NEIL2: variants seen among roughly 807,000 people sequenced by gnomAD.
The protein encoded by NEIL2 is endonuclease 8-like 2.
In NEIL2, 23 loss-of-function variants were observed where a neutral mutation model predicts 22.2. That is an observed-to-expected ratio of 1.04 (90% CI 0.75 to 1.47). The LOEUF (loss-of-function observed/expected upper bound fraction) is 1.47, where lower values mean the gene tolerates loss of function less well. NEIL2 is among the 40% of genes most tolerant of loss of function. The probability of loss-of-function intolerance (pLI) is 0.00; values close to 1 mark genes in which losing one functional copy is unlikely to be tolerated. For synonymous variants in NEIL2, 229 were observed against 164.8 expected (o/e 1.39, Z -2.99); for missense variants, 583 against 404.7 (o/e 1.44, Z -3.78).
At chr8:11,775,653 C>G (rs182751523) in intron 2 of NEIL2, among the ~76,000 whole-genome samples, 1 of 152,228 alleles carries the variant, frequency 6.6e-6, no homozygotes, top group African/African-American at 2.4e-5. Context: ...AACTTCTGTG[C>G]TCTGCTTCCT....
At position 11,786,307 on chromosome 8, in the gene NEIL2, C is replaced by T. The variant is rs8191667; in HGVS notation, c.*34C>T. On this transcript the variant is annotated 3_prime_UTR_variant, in exon 5 of 5. Coordinates refer to ENST00000284503, the MANE Select transcript of NEIL2 (RefSeq NM_145043.4). ...TGGTGCTCCTCACGGAACCTTGCCG[C>T]TTGGGGAACCTGACGTCTAAGTGTC... 4 of 932,220 alleles carry T rather than the reference C, an allele frequency of 4.3e-6. No individual in the cohort carries two copies. The highest frequency in any genetic ancestry group is 4.4e-6 in the Non-Finnish European group (3 of 688,622). 57.7% of individuals were successfully genotyped at this position (932,220 alleles called of 1,614,324 possible).
At chr8:11,777,240 G>T (rs562985407) in intron 2 of NEIL2, among the ~76,000 whole-genome samples, 1 of 151,260 alleles carries the variant, frequency 6.6e-6, no homozygotes, top group African/African-American at 2.4e-5. Flanking sequence ...CAATCCTCTC[G>T]TCTCAGCCTC....
At chr8:11,775,799 C>G (rs765184499) in intron 2 of NEIL2, among the ~76,000 whole-genome samples, 12 of 152,346 alleles carry the variant, frequency 7.9e-5, no homozygotes, top group African/African-American at 2.2e-4. Flanking sequence ...CACCTTTACT[C>G]TAGTTCCCAG....
rs1804254165 is a variant in NEIL2 at position 11,779,865 on chromosome 8, GGTTT to G, written c.412_415del (p.Phe138AlafsTer5). 1.9e-6 allele frequency: 3 copies of G among 1,614,028 alleles called. No individual in the cohort carries two copies. The highest frequency in any genetic ancestry group is 2.5e-6 in the Non-Finnish European group (3 of 1,180,036). ...TGGGAGGTGGCTGCGTGTCAGCTTTGGTTTGTTTGGCAGCGTTTGGGTGAACGAT... is the reference window on the plus strand; with the variant it reads ...TGGGAGGTGGCTGCGTGTCAGCTTTGGTTTGGCAGCGTTTGGGTGAACGAT... On this transcript the variant is annotated frameshift_variant, in exon 3 of 5. Transcript: ENST00000284503. LOFTEE classifies it high-confidence loss of function.
chr8:11,784,595 C>T (rs952891512), intron 4 of NEIL2, among the ~76,000 whole-genome samples: 2 of 152,192 alleles, frequency 1.3e-5, no homozygotes, highest in African/African-American at 4.8e-5. Context: ...CACACAGACA[C>T]TCACTTGAGC....
intron 3 of NEIL2, among the ~76,000 whole-genome samples, chr8:11,782,413 G>T (rs1804505697): frequency 6.6e-6 from 1 of 152,074 alleles, no homozygotes; most frequent in South Asian, 2.1e-4. Context: ...TGACAAGAAT[G>T]AAACTCCATC....
chr8:11,786,202 A>C lies in NEIL2; in HGVS notation c.928A>C (p.Arg310=), dbSNP rs899348939. Residue 310 remains arginine, a synonymous_variant, in exon 5 of 5, where the codon AGG becomes CGG. Transcript: ENST00000284503. ...EAFGPEDGLQ[R]LTWWCPQCQP... is the part of the protein sequence containing the mutation. ...GTTTGGGCCCGAAGATGGGTTACAG[A>C]GGCTCACCTGGTGGTGCCCGCAGTG... The C allele has an allele frequency of 3.1e-6, 5 of 1,613,592 alleles. No homozygotes were observed. The highest frequency in any genetic ancestry group is 1.7e-5 in the Admixed American group (1 of 60,022).
At chr8:11,779,563 T>A in intron 2 of NEIL2, 35 bp from the exon 3 acceptor site, 5 of 1,489,482 alleles carry the variant, frequency 3.4e-6, no homozygotes, top group Non-Finnish European at 4.7e-6. Flanking sequence ...CCTCTCTGGG[T>A]CTGTAAGGCT....
intron 2 of NEIL2, among the ~76,000 whole-genome samples, chr8:11,773,211 G>A (rs1477216180): frequency 6.6e-6 from 1 of 152,226 alleles, no homozygotes; most frequent in Non-Finnish European, 1.5e-5. Context: ...AGAGCTGGCT[G>A]TAAGAGAATA....
chr8:11,780,475 G>C lies in NEIL2; in HGVS notation c.491+525G>C, dbSNP rs552428611. Among the ~76,000 whole-genome samples, 6 of 152,284 alleles carry C rather than the reference G, an allele frequency of 3.9e-5. No homozygotes were observed. The East Asian group carries it at 1.2e-3, about 29-fold the overall frequency. ...GCCTCACTGCAACCTCTGCCTCCCAGGTTCAACCAATTCTCCTGCCTTAGC... is the reference window on the plus strand; with the variant it reads ...GCCTCACTGCAACCTCTGCCTCCCACGTTCAACCAATTCTCCTGCCTTAGC... On this transcript the variant is annotated intron_variant, in intron 3 of 4. Transcript: ENST00000284503.
At chr8:11,780,183 T>C (rs1804287845) in intron 3 of NEIL2, among the ~76,000 whole-genome samples, 3 of 151,830 alleles carry the variant, frequency 2.0e-5, no homozygotes, top group Non-Finnish European at 2.9e-5. Context: ...AGGGGAGAAT[T>C]TTCCCAGCAA....
At chr8:11,774,841 A>G (rs1803771347) in intron 2 of NEIL2, among the ~76,000 whole-genome samples, 1 of 152,232 alleles carries the variant, frequency 6.6e-6, no homozygotes. Flanking sequence ...AAGCTCCAAA[A>G]TGATCTTTGA....
chr8:11,771,633 C>A (rs763580432), intron 2 of NEIL2, 48 bp downstream of exon 2: 11 of 1,582,192 alleles, frequency 7.0e-6, no homozygotes, highest in African/African-American at 2.7e-5. Context: ...CCATCCTGCG[C>A]CTCCCCTAGG....
At chr8:11,783,845 G>T (rs1331418956) in intron 4 of NEIL2, among the ~76,000 whole-genome samples, 1 of 152,208 alleles carries the variant, frequency 6.6e-6, no homozygotes, top group Non-Finnish European at 1.5e-5. Context: ...GGAGCTTCCT[G>T]CCCTGGCCAG....
At chr8:11,776,743 T>A (rs1477686421) in intron 2 of NEIL2, among the ~76,000 whole-genome samples, 1 of 152,172 alleles carries the variant, frequency 6.6e-6, no homozygotes, top group Non-Finnish European at 1.5e-5. Context: ...GGGGTCACGA[T>A]GGGTAGGTCC....
chr8:11,786,155 G>A lies in NEIL2; in HGVS notation c.881G>A (p.Gly294Asp). The A allele has an allele frequency of 1.2e-6, 2 of 1,613,926 alleles. No homozygotes were observed. The highest frequency in any genetic ancestry group is 1.7e-6 in the Non-Finnish European group (2 of 1,179,988). Residue 294 changes from glycine (G) to aspartate (D), a missense_variant, in exon 5 of 5, where the codon GGC becomes GAC. By Grantham distance (94) the Gly-to-Asp change is moderately conservative (BLOSUM62 -1). Transcript: ENST00000284503. ...TACCAGAAAGAACAGTGCCCTGCTG[G>A]CCACCAGGTCATGAAGGAGGCGTTT... is the stretch of plus-strand genomic sequence containing the variant. ...QVYQKEQCPA[G>D]HQVMKEAFGP...
Position 11,786,987 on chromosome 8 carries a change from C to T in NEIL2, c.*714C>T, listed in dbSNP as rs1805024310. 1.3e-5 allele frequency: 2 copies of T among 152,136 alleles called. No homozygotes were observed. Among genetic ancestry groups the T allele is most frequent in the Non-Finnish European group, 1.5e-5 (1 of 68,226 alleles). The allele number at this position is 152,136 out of a possible 1,614,324, so 9.4% of individuals were successfully genotyped here. A position where few individuals can be genotyped will look rare whatever the true frequency, so the allele number is the denominator to read the frequency against. Reference sequence around the variant, plus strand: ...TTTGTAACTTTGGTTGATGTTAAGGCCCTCCATTTTGGAAAGCAGGAAAAC... The same window carrying T: ...TTTGTAACTTTGGTTGATGTTAAGGTCCTCCATTTTGGAAAGCAGGAAAAC... On this transcript the variant is annotated 3_prime_UTR_variant, in exon 5 of 5. Transcript: ENST00000284503.
chr8:11,773,130 C>T (rs1447272162), intron 2 of NEIL2, among the ~76,000 whole-genome samples: 1 of 152,150 alleles, frequency 6.6e-6, no homozygotes, highest in Non-Finnish European at 1.5e-5. Context: ...TACACACTGT[C>T]CTTCGAGGTT....
At chr8:11,772,062 G>C (rs1803499458) in intron 2 of NEIL2, among the ~76,000 whole-genome samples, 1 of 152,162 alleles carries the variant, frequency 6.6e-6, no homozygotes, top group African/African-American at 2.4e-5. Flanking sequence ...AATTGGCTGG[G>C]TGTGGTGGTG....
Sources: gnomAD v4.1 joint callset for allele counts (sites outside exome capture counted in the v4.1 genomes callset) on GRCh38, gnomAD v4.1.1 for gene constraint, MANE v1.5 for transcripts, NCBI Gene and HGNC (gene_info 2026-07-23, HGNC 2026-07-21) for gene names.